DCTN2: variants seen among roughly 807,000 people sequenced by gnomAD.
DCTN2 encodes 50 kDa dynein-associated polypeptide.
A neutral mutation model predicts 55.4 loss-of-function variants in DCTN2; 18 were observed. The ratio of observed to expected loss-of-function variants is 0.32; its 90% CI spans 0.22 to 0.48. The LOEUF is 0.48. Among genes scored for constraint, DCTN2 ranks in the 20% least tolerant of loss-of-function variants. DCTN2 has a pLI of 0.99. For synonymous variants in DCTN2, 168 were observed against 185.2 expected (o/e 0.91, Z 0.76); for missense variants, 390 against 491.0 (o/e 0.79, Z 1.94).
chr12:57,535,710 T>A, intron 3 of DCTN2, 39 bp downstream of exon 3: 1 of 1,576,504 alleles, frequency 6.3e-7, no homozygotes, highest in Non-Finnish European at 8.7e-7. Flanking sequence ...ATGCTTATCC[T>A]CCAGTCTTCC....
chr12:57,532,012 C>T lies in DCTN2; in HGVS notation c.1119+3G>A. On this transcript the variant is annotated splice_donor_region_variant and intron_variant, in intron 13 of 13. Transcript: ENST00000548249. ...GAGGACAGATCAACAAAGGGGCACACACCTGGGTCAAGAGGGTGGTATTGT... is the reference window on the plus strand; with the variant it reads ...GAGGACAGATCAACAAAGGGGCACATACCTGGGTCAAGAGGGTGGTATTGT... The T allele has an allele frequency of 6.4e-7, 1 of 1,558,566 alleles. No individual in the cohort carries two copies. Among genetic ancestry groups the T allele is most frequent in the Non-Finnish European group, 8.7e-7 (1 of 1,150,688 alleles).
At position 57,535,460 on chromosome 12, in the gene DCTN2, AACAC is replaced by A; in HGVS notation, c.264+20_264+23del. 11 of 1,564,824 alleles carry A rather than the reference AACAC, an allele frequency of 7.0e-6. No homozygotes were observed. Among genetic ancestry groups the A allele is most frequent in the Non-Finnish European group, 9.6e-6 (11 of 1,144,856 alleles). On this transcript the variant is annotated intron_variant, in intron 4 of 13. Coordinates refer to ENST00000548249, the MANE Select transcript of DCTN2 (RefSeq NM_001261413.2). ...ATAGGGTCACTACACCATTCCCATC[AACAC>A]ACACACACACACAACAAACCATCTC...
Position 57,534,331 on chromosome 12 carries a change from G to C in DCTN2, c.485C>G (p.Ala162Gly), listed in dbSNP as rs756158601. 16 of 1,607,938 alleles carry C rather than the reference G, an allele frequency of 1.0e-5. No homozygotes were observed. In the South Asian group the frequency reaches 1.7e-4, roughly 17 times the overall value. ...ATCGGGGTCGGTAAGGTTGATTGCA[G>C]CATCTGGTCCCAGCAGCTTCTCCAG... is the stretch of plus-strand genomic sequence containing the variant. ...SHLEKLLGPD[A>G]AINLTDPDGA... The change falls in exon 6 of 14, where the codon GCT (alanine) becomes GGT (glycine). Residue 162 changes from alanine (A) to glycine (G), a missense_variant. This residue lies in a region of DCTN2 where 273 missense variants were observed against 303.2 expected (regional missense o/e 0.90). Transcript: ENST00000548249.
Position 57,532,021 on chromosome 12 carries a change from C to G in DCTN2, c.1113G>C (p.Leu371Phe). 2 of 1,560,586 alleles carry G rather than the reference C, an allele frequency of 1.3e-6. No homozygotes were observed. The highest frequency in any genetic ancestry group is 1.7e-6 in the Non-Finnish European group (2 of 1,151,786). Residue 371 changes from leucine (L) to phenylalanine (F), a missense_variant, in exon 13 of 14, where the codon TTG (leucine) becomes TTC (phenylalanine). By Grantham distance (22) the Leu-to-Phe change is conservative (BLOSUM62 0). Coordinates refer to ENST00000548249, the MANE Select transcript of DCTN2 (RefSeq NM_001261413.2). Reference sequence around the variant, plus strand: ...TCAACAAAGGGGCACACACCTGGGTCAAGAGGGTGGTATTGTCCTTCAAGG... The same window carrying G: ...TCAACAAAGGGGCACACACCTGGGTGAAGAGGGTGGTATTGTCCTTCAAGG... The part of the protein sequence containing the change: ...ANSLKDNTTL[L>F]TQVQTTMREN...
chr12:57,536,798 C>T lies in DCTN2; in HGVS notation c.106-953G>A, dbSNP rs373280455. On this transcript the variant is annotated intron_variant, in intron 2 of 13. Transcript: ENST00000548249. The stretch of plus-strand genomic sequence containing the variant: ...GCACCAAGCACTCCTGACTGCATGT[C>T]CCTTTTTCAATTGTCAGAAGCCTGA... Among the ~76,000 whole-genome samples the T allele has an allele frequency of 1.8e-3, 270 of 152,144 alleles. 2 individuals carry two copies. The highest frequency in any genetic ancestry group is 6.3e-3 in the African/African-American group (263 of 41,494).
rs754080721 is a variant in DCTN2, at chr12:57,530,741, A to C, written c.1154T>G (p.Val385Gly). 3 of 1,613,872 alleles carry C rather than the reference A, an allele frequency of 1.9e-6. No individual in the cohort carries two copies. Among genetic ancestry groups the C allele is most frequent in the Admixed American group, 3.3e-5 (2 of 60,020 alleles). The stretch of plus-strand genomic sequence containing the variant: ...ATCAATGCTGGCAAAGTTCCCCTCA[A>C]CTGTGGCCAGGTTTTCACGCATGGT... ...QTTMRENLAT[V>G]EGNFASIDER... is the part of the protein sequence containing the mutation. The change falls in exon 14 of 14, where the codon GTT (valine) becomes GGT (glycine). Residue 385 changes from valine to glycine, a missense_variant. Val to Gly is a moderately radical substitution (Grantham distance 109, BLOSUM62 -3). Around this residue, in one of 2 missense-constraint regions of DCTN2, gnomAD observed 273 missense variants for 303.2 expected, o/e 0.90. Coordinates refer to ENST00000548249, the MANE Select transcript of DCTN2 (RefSeq NM_001261413.2).
chr12:57,535,926 A>G, intron 2 of DCTN2, 81 bp from the exon 3 acceptor site: 1 of 1,091,804 alleles, frequency 9.2e-7, no homozygotes, highest in East Asian at 2.6e-5. Context: ...TCCCCAAACC[A>G]TTAGGTGACT....
At chr12:57,540,172 C>T (rs1825298827) in intron 2 of DCTN2, 1 of 965,910 alleles carries the variant, frequency 1.0e-6, no homozygotes, top group Non-Finnish European at 1.2e-6. Flanking sequence ...CATGCAAACA[C>T]AAAGGAGAAG....
intron 2 of DCTN2, chr12:57,543,034 G>A (rs995202934): frequency 4.4e-6 from 2 of 455,022 alleles, no homozygotes; most frequent in African/African-American, 4.0e-5. Context: ...TTAAGGCGGA[G>A]AATGCTGTTG....
chr12:57,546,743 C>T (rs1881197512), intron 1 of DCTN2, among the ~76,000 whole-genome samples: 2 of 152,178 alleles, frequency 1.3e-5, no homozygotes, highest in South Asian at 2.1e-4. Context: ...GGCGTTGACA[C>T]GGATGGTGGA....
At chr12:57,544,120 G>C in intron 2 of DCTN2, 1 of 453,222 alleles carries the variant, frequency 2.2e-6, no homozygotes, top group Non-Finnish European at 4.4e-6. Flanking sequence ...ATGAAGGGCA[G>C]AAGCCTAGGC....
At chr12:57,532,153 G>A in intron 12 of DCTN2, 47 bp from the exon 13 acceptor site, 2 of 1,552,334 alleles carry the variant, frequency 1.3e-6, no homozygotes, top group Non-Finnish European at 1.7e-6. Context: ...GATAAGGGAG[G>A]GGACCAAAAG....
chr12:57,543,426 T>TGTACTAGG (rs1462966679), intron 2 of DCTN2, among the ~76,000 whole-genome samples: 2 of 151,920 alleles, frequency 1.3e-5, no homozygotes, highest in Non-Finnish European at 2.9e-5. Context: ...CACTGTCACT[T>TGTACTAGG]GTACTAGGTC....
At chr12:57,536,480 G>A (rs565216584) in intron 2 of DCTN2, among the ~76,000 whole-genome samples, 2 of 152,298 alleles carry the variant, frequency 1.3e-5, no homozygotes, top group South Asian at 4.1e-4. Context: ...TTATCTTTAT[G>A]GGACATCTTA....
intron 9 of DCTN2, 57 bp from the exon 10 acceptor site, chr12:57,532,867 C>G (rs1594880467): frequency 5.6e-6 from 9 of 1,605,290 alleles, no homozygotes; most frequent in African/African-American, 1.3e-5. Flanking sequence ...TAGCAAGAGG[C>G]CTCCCATATT....
At chr12:57,530,898 G>A in intron 13 of DCTN2, 123 bp from the exon 14 acceptor site, 2 of 858,322 alleles carry the variant, frequency 2.3e-6, no homozygotes, top group Admixed American at 2.1e-5. Context: ...GCCACAGAGG[G>A]GGGATGTTTA....
At chr12:57,535,915 A>C (rs1329436353) in intron 2 of DCTN2, 70 bp from the exon 3 acceptor site, 3 of 1,228,736 alleles carry the variant, frequency 2.4e-6, no homozygotes, top group Non-Finnish European at 3.5e-6. Flanking sequence ...ACCCCACAAA[A>C]TCCCCAAACC....
At chr12:57,534,190 A>G (rs1221837843) in intron 6 of DCTN2, 93 bp from the exon 7 acceptor site, 4 of 1,525,418 alleles carry the variant, frequency 2.6e-6, no homozygotes, top group African/African-American at 2.8e-5. Context: ...ATTAAGAAAC[A>G]TCTAAGCCAC....
rs1879569701 is a variant in DCTN2, at chr12:57,530,536, G to A, written c.*153C>T. Reference sequence around the variant, plus strand: ...CTACCACTCTGTATTCATCAGGGGAGGGGTATAAACCCCACATGCAAGAAG... The same window carrying A: ...CTACCACTCTGTATTCATCAGGGGAAGGGTATAAACCCCACATGCAAGAAG... On this transcript the variant is annotated 3_prime_UTR_variant, in exon 14 of 14. Coordinates refer to ENST00000548249, the MANE Select transcript of DCTN2 (RefSeq NM_001261413.2). 3 of 628,244 alleles carry A rather than the reference G, an allele frequency of 4.8e-6. No individual in the cohort carries two copies. The South Asian group carries it at 6.6e-5, about 14-fold the overall frequency. 38.9% of individuals were successfully genotyped at this position (628,244 alleles called of 1,614,324 possible). A position where few individuals can be genotyped will look rare whatever the true frequency, so the allele number is the denominator to read the frequency against.
Sources: gnomAD v4.1 joint callset for allele counts (sites outside exome capture counted in the v4.1 genomes callset) on GRCh38, gnomAD v4.1.1 for gene constraint, gnomAD v4.1.1 regional missense constraint, MANE v1.5 for transcripts, NCBI Gene and HGNC (gene_info 2026-07-23, HGNC 2026-07-21) for gene names.